Variants in KDM2B observed in about 807,000 individuals in gnomAD.
KDM2B encodes lysine demethylase 2B, also known as lysine-specific demethylase 2B.
In KDM2B, 26 loss-of-function variants were observed where a neutral mutation model predicts 150.0. That is an observed-to-expected ratio of 0.17 (90% confidence interval 0.13 to 0.24). The LOEUF is 0.24. Among genes scored for constraint, KDM2B ranks in the 10% least tolerant of loss-of-function variants. The pLI is 1.00. For missense variants in KDM2B, 1,265 were observed against 1,816.9 expected, an observed-to-expected ratio of 0.70 and a Z score of 5.52; for synonymous variants, 734 against 729.5, an observed-to-expected ratio of 1.01 and a Z score of -0.10.
chr12:121,494,465 G>A, intron 12 of KDM2B, 114 bp downstream of exon 12: 1 of 678,798 alleles, frequency 1.5e-6, no homozygotes, highest in Non-Finnish European at 2.6e-6. Flanking sequence ...CTTAACTGCG[G>A]TGCCTTCATC....
chr12:121,457,688 C>T (rs1472148079), intron 12 of KDM2B, among the ~76,000 whole-genome samples: 3 of 151,622 alleles, frequency 2.0e-5, no homozygotes, highest in African/African-American at 7.3e-5. Flanking sequence ...TTTTATCAGC[C>T]CAGGAACCAT....
intron 10 of KDM2B, 114 bp from the exon 11 acceptor site, chr12:121,510,153 C>T: frequency 1.1e-6 from 1 of 928,174 alleles, no homozygotes; most frequent in Non-Finnish European, 1.6e-6. Context: ...GCTTCTCTAA[C>T]AATCCTAATG....
At chr12:121,540,439 G>A (rs749078407) in intron 6 of KDM2B, among the ~76,000 whole-genome samples, 7 of 152,076 alleles carry the variant, frequency 4.6e-5, no homozygotes, top group Admixed American at 6.6e-5. Context: ...GGATGTGAAG[G>A]AGGGTTGACT....
At chr12:121,577,998 G>T (rs529535262) in intron 2 of KDM2B, among the ~76,000 whole-genome samples, 1 of 152,314 alleles carries the variant, frequency 6.6e-6, no homozygotes, top group South Asian at 2.1e-4. Context: ...GGCGTCCCCA[G>T]ATTCCGCTCT....
At chr12:121,556,904 T>C (rs1555312826) in intron 4 of KDM2B, among the ~76,000 whole-genome samples, 1 of 149,822 alleles carries the variant, frequency 6.7e-6, no homozygotes, top group Non-Finnish European at 1.5e-5. Context: ...CAACACAAAG[T>C]GAACTAAGCC....
intron 9 of KDM2B, among the ~76,000 whole-genome samples, chr12:121,517,560 C>T (rs1481817862): frequency 6.6e-6 from 1 of 151,504 alleles, no homozygotes; most frequent in African/African-American, 2.4e-5. Flanking sequence ...CCTCTGCCTA[C>T]TGGGTTCAAG....
At position 121,442,244 on chromosome 12, in the gene KDM2B, T is replaced by C; in HGVS notation, c.3197A>G (p.His1066Arg). Residue 1066 changes from histidine to arginine, a missense_variant, in exon 19 of 23, where the codon CAC becomes CGC. Around this residue, in one of 11 missense-constraint regions of KDM2B, gnomAD observed 251 missense variants for 397.8 expected, o/e 0.63. Coordinates refer to ENST00000377071, the MANE Select transcript of KDM2B (RefSeq NM_032590.5). The surrounding 1 kb of genome is among the most constrained non-coding windows in gnomAD (Gnocchi z 7.7). ...PLDDGAAHVM[H>R]REVWMAVFSY... ...GAAGACGGCCATCCACACCTCCCTGTGCATGACGTGGGCTGCCCCATCGTC... is the reference window on the plus strand; with the variant it reads ...GAAGACGGCCATCCACACCTCCCTGCGCATGACGTGGGCTGCCCCATCGTC... 1.2e-6 allele frequency: 2 copies of C among 1,613,238 alleles called. No homozygotes were observed. The highest frequency in any genetic ancestry group is 1.7e-6 in the Non-Finnish European group (2 of 1,179,912).
rs1879880995 is a variant in KDM2B, at chr12:121,466,163, G to T, written c.1735-12819C>A. Among the ~76,000 whole-genome samples, 4 of 151,834 alleles carry T rather than the reference G, an allele frequency of 2.6e-5. No individual in the cohort carries two copies. The South Asian group carries it at 8.3e-4, about 32-fold the overall frequency. ...AAAAAAAAAAAGTTACCACATTTTG[G>T]CTGGGTCATTCCACAACACCTTTAT... On this transcript the variant is annotated intron_variant, in intron 12 of 22. Transcript: ENST00000377071.
chr12:121,430,387 C>A lies in KDM2B; in HGVS notation c.3912G>T (p.Lys1304Asn), dbSNP rs1555285248. ...GCTCACAGCCTTCCTTGGTGACTTG[C>A]TTGCAGTACCTCAGGTCAATATGAC... The part of the protein sequence containing the change: ...NICHIDLRYC[K>N]QVTKEGCEQF... The change falls in exon 23 of 23, where the codon AAG becomes AAT. Residue 1304 changes from lysine (K) to asparagine (N), a missense_variant. This residue lies in a region of KDM2B where 251 missense variants were observed against 397.8 expected (regional missense o/e 0.63). Transcript: ENST00000377071. This position sits in a 1 kb window ranked among gnomAD's most constrained non-coding sequence, Gnocchi z 4.4. 6 of 1,614,032 alleles carry A rather than the reference C, an allele frequency of 3.7e-6. No homozygotes were observed. The highest frequency in any genetic ancestry group is 4.2e-6 in the Non-Finnish European group (5 of 1,180,030).
At position 121,453,204 on chromosome 12, in the gene KDM2B, T is replaced by C. The variant is rs782677507; in HGVS notation, c.1875A>G (p.Gly625=). The C allele has an allele frequency of 6.2e-7, 1 of 1,613,148 alleles. No homozygotes were observed. Among genetic ancestry groups the C allele is most frequent in the Non-Finnish European group, 8.5e-7 (1 of 1,179,548 alleles). Residue 625 remains glycine, a synonymous_variant, in exon 13 of 23, where the codon GGA becomes GGG. Transcript: ENST00000377071. This position sits in a 1 kb window ranked among gnomAD's most constrained non-coding sequence, Gnocchi z 6.4. ...KCEACLRTEC[G]ECHFCKDMKK... The stretch of plus-strand genomic sequence containing the variant: ...TCATGTCCTTGCAGAAGTGGCACTC[T>C]CCGCACTCGGTCCGCAGGCAGGCCT...
At chr12:121,426,588 T>C (rs11065568), downstream of KDM2B, among the ~76,000 whole-genome samples, 1 of 150,364 alleles carries the variant, frequency 6.7e-6, no homozygotes, top group Non-Finnish European at 1.5e-5. Context: ...TGGCATATAA[T>C]GCATACCACC....
At chr12:121,431,517 T>C (rs988262675) in intron 22 of KDM2B, among the ~76,000 whole-genome samples, 1 of 152,036 alleles carries the variant, frequency 6.6e-6, no homozygotes, top group Non-Finnish European at 1.5e-5. Context: ...CTTTATTAAA[T>C]TGAGTGGGAA....
At chr12:121,416,482 C>A in the KDM2B span, 1 of 832,186 alleles carries the variant, frequency 1.2e-6, no homozygotes, top group Non-Finnish European at 1.9e-6. Flanking sequence ...ATAAAAATAT[C>A]AAAAGCTTAG....
At chr12:121,551,492 G>A (rs1391952683) in intron 4 of KDM2B, among the ~76,000 whole-genome samples, 3 of 151,466 alleles carry the variant, frequency 2.0e-5, no homozygotes, top group Non-Finnish European at 2.9e-5. Context: ...ACTACAGGGC[G>A]GCACCACCAC....
At chr12:121,566,465 T>C (rs1890712383) in intron 4 of KDM2B, among the ~76,000 whole-genome samples, 1 of 151,974 alleles carries the variant, frequency 6.6e-6, no homozygotes, top group African/African-American at 2.4e-5. Flanking sequence ...CTACTAAAAA[T>C]ATAAAAATGA....
chr12:121,564,993 C>CA lies in KDM2B; in HGVS notation c.397+9553dup, dbSNP rs1375055788. Among the ~76,000 whole-genome samples the CA allele has an allele frequency of 4.6e-5, 7 of 152,076 alleles. No homozygotes were observed. In the East Asian group the frequency reaches 1.4e-3, roughly 29 times the overall value. On this transcript the variant is annotated intron_variant, in intron 4 of 22. Coordinates refer to ENST00000377071, the MANE Select transcript of KDM2B (RefSeq NM_032590.5). ...GATTGCAGGCGTGCACCACCACACC[C>CA]AGCTGATTTTTGTATTTTTTTCTAA... is the stretch of plus-strand genomic sequence containing the variant.
chr12:121,444,872 G>A (rs1171545158), intron 14 of KDM2B: 2 of 449,258 alleles, frequency 4.5e-6, no homozygotes, highest in Non-Finnish European at 8.3e-6. Flanking sequence ...TCAGCGCCTG[G>A]CATGCAGAAA....
rs986060216 is a variant in KDM2B, at chr12:121,513,471, T to G, written c.1048-69A>C. The stretch of plus-strand genomic sequence containing the variant: ...GCGAAGGGGGAAGGAGGGAGAGAAG[T>G]GCGGGGCAGGCTCCCTGCAGGTGAG... On this transcript the variant is annotated intron_variant, in intron 9 of 22. Transcript: ENST00000377071. This position sits in a 1 kb window ranked among gnomAD's most constrained non-coding sequence, Gnocchi z 5.0. The G allele has an allele frequency of 1.9e-6, 3 of 1,553,790 alleles. No homozygotes were observed. The highest frequency in any genetic ancestry group is 2.7e-6 in the Non-Finnish European group (3 of 1,131,416).
chr12:121,547,430 C>T (rs1311132980), intron 6 of KDM2B, among the ~76,000 whole-genome samples: 1 of 152,126 alleles, frequency 6.6e-6, no homozygotes, highest in East Asian at 1.9e-4. Flanking sequence ...GCCTGCTGGC[C>T]TCCCTTACAA....
Sources: gnomAD v4.1 joint callset for allele counts (sites outside exome capture counted in the v4.1 genomes callset) on GRCh38, gnomAD v4.1.1 for gene constraint, gnomAD v4.1.1 regional missense constraint, Gnocchi (gnomAD v3.1) non-coding constraint, MANE v1.5 for transcripts, NCBI Gene and HGNC (gene_info 2026-07-23, HGNC 2026-07-21) for gene names.